The following NFIB variants were observed in gnomAD, a reference collection of about 807,000 sequenced individuals.
NFIB encodes the protein nuclear factor 1 B-type.
A neutral mutation model predicts 61.5 loss-of-function variants in NFIB; 11 were observed. The observed-to-expected ratio is 0.18, with a 90% CI of 0.11 to 0.30. The LOEUF (loss-of-function observed/expected upper bound fraction) is 0.30. Among genes scored for constraint, NFIB ranks in the 10% least tolerant of loss-of-function variants. The pLI is 1.00. For missense variants in NFIB, 471 were observed against 608.9 expected, an observed-to-expected ratio of 0.77 and a Z score of 2.38; for synonymous variants, 260 against 216.5, an observed-to-expected ratio of 1.20 and a Z score of -1.76.
At position 14,138,682 on chromosome 9, in the gene NFIB, A is replaced by G. The variant is rs548169618; in HGVS notation, c.925+8007T>C. Among the ~76,000 whole-genome samples, 198 of 152,334 alleles carry G rather than the reference A, an allele frequency of 1.3e-3. 1 individual carries two copies. The highest frequency in any genetic ancestry group is 4.6e-3 in the African/African-American group (190 of 41,592). On this transcript the variant is annotated intron_variant, in intron 6 of 10. Coordinates refer to ENST00000380953, the MANE Select transcript of NFIB (RefSeq NM_001190737.2). The stretch of plus-strand genomic sequence containing the variant: ...ATGCAATAAGACTGGCAAAGTGTTA[A>G]TAACAGTTGAAGCTGTGTGACAGTA...
the NFIB span, among the ~76,000 whole-genome samples, chr9:14,499,808 G>C: frequency 2.9e-3 from 443 of 152,214 alleles, 8 homozygotes; most frequent in African/African-American, 0.01. Context: ...GCTGAGGAAA[G>C]AGACTACTTA....
chr9:14,380,951 C>T (rs1174024955), intron 1 of NFIB, among the ~76,000 whole-genome samples: 2 of 151,548 alleles, frequency 1.3e-5, no homozygotes, highest in African/African-American at 2.4e-5. Flanking sequence ...GCCCCTGTTC[C>T]CTAACCTTAA....
intron 1 of NFIB, among the ~76,000 whole-genome samples, chr9:14,327,242 C>T (rs547319258): frequency 6.6e-6 from 1 of 152,122 alleles, no homozygotes; most frequent in Non-Finnish European, 1.5e-5. Flanking sequence ...GCCTTTTGCT[C>T]AGTGAGGCCA....
intron 1 of NFIB, among the ~76,000 whole-genome samples, chr9:14,346,290 A>ACCGCC (rs2061019460): frequency 1.1e-5 from 1 of 88,394 alleles, no homozygotes; most frequent in Non-Finnish European, 2.6e-5. Flanking sequence ...GGTAACCGAC[A>ACCGCC]CCCCCCCCCC....
Position 14,313,445 on chromosome 9 carries a change from CAG to C in NFIB, c.30+35_30+36del, listed in dbSNP as rs766543459. 1.1e-5 allele frequency: 18 copies of C among 1,613,216 alleles called. No individual in the cohort carries two copies. The highest frequency in any genetic ancestry group is 2.2e-5 in the South Asian group (2 of 91,016). On this transcript the variant is annotated intron_variant, in intron 1 of 10. Transcript: ENST00000380953. The surrounding 1 kb of genome is among the most constrained non-coding windows in gnomAD (Gnocchi z 4.5). ...AAAACAAAACAAAGGCATTTCGGGCCAGAGAGAAAGCTCGAGAAAGCGACCGA... is the reference window on the plus strand; with the variant it reads ...AAAACAAAACAAAGGCATTTCGGGCCAGAGAAAGCTCGAGAAAGCGACCGA...
chr9:14,100,384 C>G (rs1041481717), intron 10 of NFIB, among the ~76,000 whole-genome samples: 1 of 152,168 alleles, frequency 6.6e-6, no homozygotes, highest in Non-Finnish European at 1.5e-5. Flanking sequence ...CACTCATCTT[C>G]TCTTTCCATG....
At chr9:14,356,919 G>C (rs1317881990) in intron 1 of NFIB, among the ~76,000 whole-genome samples, 1 of 152,208 alleles carries the variant, frequency 6.6e-6, no homozygotes, top group South Asian at 2.1e-4. Flanking sequence ...CTGATTTATA[G>C]AAGCTCACTG....
At chr9:14,254,304 AAAC>A (rs1314445461) in intron 2 of NFIB, among the ~76,000 whole-genome samples, 2 of 145,578 alleles carry the variant, frequency 1.4e-5, no homozygotes, top group African/African-American at 2.8e-5. Flanking sequence ...GTCTCAAAAA[AAAC>A]AAAACAAAAC....
chr9:14,428,717 C>A, the NFIB span, among the ~76,000 whole-genome samples: 1 of 152,152 alleles, frequency 6.6e-6, no homozygotes. Context: ...ACAGTATATT[C>A]TTTTAAAATC....
chr9:14,485,228 C>T, the NFIB span, among the ~76,000 whole-genome samples: 58 of 152,168 alleles, frequency 3.8e-4, no homozygotes, highest in African/African-American at 1.3e-3. Context: ...ACATCTTGTC[C>T]AATAGTCAAA....
intron 2 of NFIB, among the ~76,000 whole-genome samples, chr9:14,233,929 T>A (rs2131967404): frequency 6.6e-6 from 1 of 152,322 alleles, no homozygotes; most frequent in East Asian, 1.9e-4. Flanking sequence ...AAAAGGAAAA[T>A]TTTTGTTTAA....
chr9:14,426,014 C>T, the NFIB span, among the ~76,000 whole-genome samples: 1 of 152,100 alleles, frequency 6.6e-6, no homozygotes, highest in Admixed American at 6.6e-5. Context: ...TTTTCCTTAC[C>T]TCTTCCATCT....
chr9:14,158,681 T>G (rs1233351693), intron 3 of NFIB, among the ~76,000 whole-genome samples: 1 of 152,198 alleles, frequency 6.6e-6, no homozygotes, highest in Non-Finnish European at 1.5e-5. Context: ...TAGATACAGA[T>G]GGTTTAAGAT....
intron 1 of NFIB, chr9:14,347,432 C>G (rs1293539057): frequency 6.6e-6 from 1 of 152,426 alleles, no homozygotes; most frequent in Non-Finnish European, 1.5e-5. Context: ...TCCTTTTCTC[C>G]TCCTGCCAGC....
intron 2 of NFIB, among the ~76,000 whole-genome samples, chr9:14,247,092 T>G (rs1262387952): frequency 6.6e-6 from 1 of 152,168 alleles, no homozygotes; most frequent in African/African-American, 2.4e-5. Context: ...TGATGCTAAT[T>G]CCCTGATCTC....
chr9:14,372,188 G>GA (rs893299106), intron 1 of NFIB, among the ~76,000 whole-genome samples: 16 of 149,436 alleles, frequency 1.1e-4, no homozygotes, highest in South Asian at 2.1e-4. Context: ...AATAAAAATA[G>GA]AAAAAAAAAG....
Position 14,120,849 on chromosome 9 carries a change from C to G in NFIB, c.1061-225G>C, listed in dbSNP as rs1240083657. 6.6e-6 allele frequency among the ~76,000 whole-genome samples: 1 copy of G among 152,198 alleles called. No homozygotes were observed. The highest frequency in any genetic ancestry group is 1.9e-4 in the East Asian group (1 of 5,196). On this transcript the variant is annotated intron_variant, in intron 7 of 10. Coordinates refer to ENST00000380953, the MANE Select transcript of NFIB (RefSeq NM_001190737.2). This position sits in a 1 kb window ranked among gnomAD's most constrained non-coding sequence, Gnocchi z 4.4. ...AACATCACTCTAGAAAATTAACAAT[C>G]TTGCTTCCTGGCTCTGTGAGTGGTT...
chr9:14,125,342 G>T lies in NFIB; in HGVS notation c.1060+290C>A, dbSNP rs192585128. 1.4e-4 allele frequency among the ~76,000 whole-genome samples: 22 copies of T among 152,210 alleles called. No homozygotes were observed. The East Asian group carries it at 4.1e-3, about 28-fold the overall frequency. ...CAGGCTAATTTTTGTATTTTTAGTA[G>T]AGACGGGGTTCCACCATGTTGGTCA... On this transcript the variant is annotated intron_variant, in intron 7 of 10. Transcript: ENST00000380953.
intron 2 of NFIB, among the ~76,000 whole-genome samples, chr9:14,231,849 T>C (rs532636339): frequency 1.3e-5 from 2 of 152,304 alleles, no homozygotes; most frequent in South Asian, 2.1e-4. Flanking sequence ...AAAACCCTTT[T>C]TGTTGGAGTC....
Sources: allele counts gnomAD v4.1 joint callset (sites outside exome capture counted in the v4.1 genomes callset), GRCh38; gene constraint gnomAD v4.1.1; non-coding constraint Gnocchi (gnomAD v3.1); transcripts MANE v1.5; gene names NCBI Gene and HGNC (gene_info 2026-07-23, HGNC 2026-07-21).